Variants in TRPS1 observed in about 807,000 individuals in gnomAD.
TRPS1 encodes zinc finger transcription factor Trps1.
TRPS1 carries 6 observed loss-of-function variants against 101.2 expected under a neutral mutation model. That is an observed-to-expected ratio of 0.06 (90% CI 0.03 to 0.12). The LOEUF (loss-of-function observed/expected upper bound fraction) is 0.12, where lower values mean the gene tolerates loss of function less well. Among genes scored for constraint, TRPS1 ranks in the 10% least tolerant of loss-of-function variants. TRPS1 has a pLI of 1.00. For missense variants in TRPS1, 1,363 were observed against 1,567.0 expected, an observed-to-expected ratio of 0.87 and a Z score of 2.20; for synonymous variants, 578 against 589.8, an observed-to-expected ratio of 0.98 and a Z score of 0.29.
chr8:115,419,532 T>C (rs1163109865), intron 5 of TRPS1, among the ~76,000 whole-genome samples: 1 of 152,208 alleles, frequency 6.6e-6, no homozygotes, highest in Non-Finnish European at 1.5e-5. Flanking sequence ...ACATGTGCCA[T>C]AAGTCAAAAT....
At chr8:115,628,686 C>T (rs16887580) in intron 1 of TRPS1, among the ~76,000 whole-genome samples, 12,370 of 151,856 alleles carry the variant, frequency 0.081, 1,590 homozygotes, top group African/African-American at 0.27. Flanking sequence ...AGAACCTTTT[C>T]TGAAAAAATA....
At chr8:115,563,070 T>A (rs1257975078) in intron 5 of TRPS1, among the ~76,000 whole-genome samples, 1 of 151,908 alleles carries the variant, frequency 6.6e-6, no homozygotes, top group Non-Finnish European at 1.5e-5. Flanking sequence ...GTGGATTATG[T>A]GAATGAAACA....
intron 2 of TRPS1, among the ~76,000 whole-genome samples, chr8:115,622,679 G>T (rs909607390): frequency 4.6e-5 from 7 of 151,920 alleles, no homozygotes; most frequent in African/African-American, 1.7e-4. Context: ...AAGATGACTA[G>T]AACTTAACAC....
intron 5 of TRPS1, among the ~76,000 whole-genome samples, chr8:115,556,831 C>T (rs994101787): frequency 2.6e-5 from 4 of 152,154 alleles, no homozygotes; most frequent in African/African-American, 9.7e-5. Context: ...TTCCAAGCTT[C>T]CTATTACCTC....
chr8:115,592,070 G>C (rs1817690422), intron 4 of TRPS1, among the ~76,000 whole-genome samples: 1 of 152,074 alleles, frequency 6.6e-6, no homozygotes, highest in Admixed American at 6.5e-5. Flanking sequence ...GAAAACACAG[G>C]GGATGGAAAA....
At chr8:115,497,892 A>G (rs1290549165) in intron 5 of TRPS1, among the ~76,000 whole-genome samples, 1 of 151,102 alleles carries the variant, frequency 6.6e-6, no homozygotes, top group Non-Finnish European at 1.5e-5. Context: ...TCCTCAGCAG[A>G]TTAGAGGCAT....
chr8:115,569,060 A>G (rs769192355), intron 5 of TRPS1, among the ~76,000 whole-genome samples: 13 of 152,140 alleles, frequency 8.5e-5, no homozygotes, highest in Non-Finnish European at 1.6e-4. Context: ...GACTTTTACT[A>G]CATCACGGTT....
intron 3 of TRPS1, among the ~76,000 whole-genome samples, chr8:115,616,270 T>C (rs1346637815): frequency 6.6e-6 from 1 of 152,218 alleles, no homozygotes; most frequent in African/African-American, 2.4e-5. Context: ...TCATTTGTGA[T>C]CTAATTTATA....
At chr8:115,530,255 T>A (rs1372873203) in intron 5 of TRPS1, among the ~76,000 whole-genome samples, 1 of 152,154 alleles carries the variant, frequency 6.6e-6, no homozygotes, top group Non-Finnish European at 1.5e-5. Flanking sequence ...TCTATAAATA[T>A]CATGACATAA....
At chr8:115,528,339 A>T (rs1369375193) in intron 5 of TRPS1, among the ~76,000 whole-genome samples, 1 of 152,080 alleles carries the variant, frequency 6.6e-6, no homozygotes, top group Non-Finnish European at 1.5e-5. Flanking sequence ...TAAGAGTCAC[A>T]AAGCATGGCA....
At chr8:115,625,424 T>C (rs1026241060) in intron 1 of TRPS1, among the ~76,000 whole-genome samples, 5 of 151,854 alleles carry the variant, frequency 3.3e-5, no homozygotes, top group East Asian at 1.9e-4. Flanking sequence ...CAATTTTACC[T>C]TTAAAAAGTT....
At chr8:115,579,309 A>G (rs1817391194) in intron 5 of TRPS1, among the ~76,000 whole-genome samples, 1 of 152,102 alleles carries the variant, frequency 6.6e-6, no homozygotes, top group African/African-American at 2.4e-5. Flanking sequence ...TTCATTAAGA[A>G]TTCAAATTTA....
At chr8:115,610,265 G>C (rs1194415090) in intron 3 of TRPS1, among the ~76,000 whole-genome samples, 3 of 152,066 alleles carry the variant, frequency 2.0e-5, no homozygotes, top group Non-Finnish European at 4.4e-5. Context: ...AAAAATCACT[G>C]TTCAAATACT....
intron 5 of TRPS1, among the ~76,000 whole-genome samples, chr8:115,572,730 A>G (rs899924460): frequency 2.0e-5 from 3 of 152,174 alleles, no homozygotes; most frequent in Non-Finnish European, 4.4e-5. Flanking sequence ...CCAGCTATCC[A>G]TTAGATATTT....
At chr8:115,626,784 A>G (rs1818518136) in intron 1 of TRPS1, among the ~76,000 whole-genome samples, 1 of 151,784 alleles carries the variant, frequency 6.6e-6, no homozygotes, top group African/African-American at 2.4e-5. Flanking sequence ...TAAAATGCAC[A>G]TTATTTAGAT....
intron 5 of TRPS1, among the ~76,000 whole-genome samples, chr8:115,543,839 A>G (rs1286637074): frequency 7.6e-6 from 1 of 132,264 alleles, no homozygotes; most frequent in Non-Finnish European, 1.6e-5. Flanking sequence ...GTCCTGACAA[A>G]AATAATTTAA....
At chr8:115,595,039 T>A (rs7002477) in intron 4 of TRPS1, among the ~76,000 whole-genome samples, 5,286 of 152,022 alleles carry the variant, frequency 0.035, 265 homozygotes, top group African/African-American at 0.11. Flanking sequence ...CTTCAATGAC[T>A]AAATGAAGCA....
chr8:115,522,428 T>G (rs1815888841), intron 5 of TRPS1, among the ~76,000 whole-genome samples: 1 of 152,030 alleles, frequency 6.6e-6, no homozygotes, highest in Admixed American at 6.6e-5. Context: ...TGTAACTAAG[T>G]TATGGATTAT....
intron 3 of TRPS1, among the ~76,000 whole-genome samples, chr8:115,618,271 C>A (rs1271326999): frequency 6.6e-6 from 1 of 152,116 alleles, no homozygotes; most frequent in African/African-American, 2.4e-5. Context: ...AATACACTTT[C>A]TCAAGCTGAC....
Sources: gnomAD v4.1 joint callset for allele counts (sites outside exome capture counted in the v4.1 genomes callset) on GRCh38, gnomAD v4.1.1 for gene constraint, MANE v1.5 for transcripts, NCBI Gene and HGNC (gene_info 2026-07-23, HGNC 2026-07-21) for gene names.